ZMPSTE24: variants seen among roughly 807,000 people sequenced by gnomAD.
ZMPSTE24 encodes the protein zinc metallopeptidase STE24.
A neutral mutation model predicts 56.7 loss-of-function variants in ZMPSTE24; 48 were observed. That is an observed-to-expected ratio of 0.85 (90% CI 0.67 to 1.08). The LOEUF (loss-of-function observed/expected upper bound fraction) is 1.08. ZMPSTE24 is among the 50% of genes least tolerant of loss of function. The pLI is 0.00. For missense variants in ZMPSTE24, 503 were observed against 548.7 expected, an observed-to-expected ratio of 0.92 and a Z score of 0.83; for synonymous variants, 172 against 195.2, an observed-to-expected ratio of 0.88 and a Z score of 0.99.
At chr1:40,280,930 AATAC>A (rs1643723095) in intron 6 of ZMPSTE24, among the ~76,000 whole-genome samples, 1 of 152,208 alleles carries the variant, frequency 6.6e-6, no homozygotes, top group African/African-American at 2.4e-5. Flanking sequence ...GCACCAACCT[AATAC>A]ATGCACATTT....
chr1:40,285,462 A>G (rs1643776968), intron 7 of ZMPSTE24, among the ~76,000 whole-genome samples: 1 of 151,916 alleles, frequency 6.6e-6, no homozygotes. Flanking sequence ...CTAGTCTGGA[A>G]CTCCTGGCTT....
At position 40,290,047 on chromosome 1, in the gene ZMPSTE24, AC is replaced by A. The variant is rs1436873242; in HGVS notation, c.1060-806del. ...CCTTATAGAAAATGATACAGTTTAT[AC>A]ATTTGGGAACATTTTATTTTACTTT... On this transcript the variant is annotated intron_variant, in intron 8 of 9. Coordinates refer to ENST00000372759, the MANE Select transcript of ZMPSTE24 (RefSeq NM_005857.5). Among the ~76,000 whole-genome samples the A allele has an allele frequency of 4.6e-5, 7 of 152,316 alleles. No individual in the cohort carries two copies. In the East Asian group the frequency reaches 1.4e-3, roughly 29 times the overall value.
intron 9 of ZMPSTE24, among the ~76,000 whole-genome samples, chr1:40,291,858 T>A (rs1284025982): frequency 6.8e-6 from 1 of 147,946 alleles, no homozygotes; most frequent in Non-Finnish European, 1.5e-5. Context: ...TTTTTTTTTT[T>A]AAGATGGAGT....
At chr1:40,260,721 G>T (rs1325681085) in intron 1 of ZMPSTE24, 118 bp from the exon 2 acceptor site, 6 of 1,002,272 alleles carry the variant, frequency 6.0e-6, no homozygotes, top group Non-Finnish European at 7.5e-6. Context: ...ATTTGTGTAG[G>T]TATAAAGCAA....
At chr1:40,289,759 T>C (rs1643821323) in intron 8 of ZMPSTE24, among the ~76,000 whole-genome samples, 1 of 152,236 alleles carries the variant, frequency 6.6e-6, no homozygotes, top group African/African-American at 2.4e-5. Context: ...TCCTCTCATT[T>C]ATTGATCAAG....
intron 2 of ZMPSTE24, chr1:40,262,525 CTTT>C (rs77653659): frequency 6.5e-5 from 8 of 123,468 alleles, no homozygotes; most frequent in South Asian, 2.5e-4. Context: ...AGACACTATT[CTTT>C]TTTTTTTTTT....
chr1:40,292,597 C>T lies in ZMPSTE24; in HGVS notation c.1356C>T (p.Phe452=). The change falls in exon 10 of 10, where the codon TTC becomes TTT. Residue 452 remains phenylalanine, a synonymous_variant. Coordinates refer to ENST00000372759, the MANE Select transcript of ZMPSTE24 (RefSeq NM_005857.5). ...GATTCCCTGTTTCTGACTGGTTGTT[C>T]TCAATGTGGCATTATTCTCATCCTC... ...NLGFPVSDWL[F]SMWHYSHPPL... The T allele has an allele frequency of 1.2e-6, 2 of 1,614,076 alleles. No individual in the cohort carries two copies. Among genetic ancestry groups the T allele is most frequent in the South Asian group, 1.1e-5 (1 of 91,066 alleles).
intron 2 of ZMPSTE24, among the ~76,000 whole-genome samples, chr1:40,261,315 T>A (rs1477221743): frequency 6.6e-6 from 1 of 152,186 alleles, no homozygotes; most frequent in East Asian, 1.9e-4. Flanking sequence ...ATTATTCCTG[T>A]CAGAGTACTT....
chr1:40,288,031 A>G (rs969263879), intron 8 of ZMPSTE24, among the ~76,000 whole-genome samples: 2 of 151,986 alleles, frequency 1.3e-5, no homozygotes, highest in Non-Finnish European at 2.9e-5. Context: ...TTAAAAAATT[A>G]GCTGGGCTTG....
chr1:40,260,314 G>A (rs1038467035), intron 1 of ZMPSTE24, among the ~76,000 whole-genome samples: 5 of 151,726 alleles, frequency 3.3e-5, no homozygotes, highest in African/African-American at 1.2e-4. Context: ...TTCTGCCCCT[G>A]TCTTCCAAAC....
At chr1:40,287,990 A>G (rs1003592088) in intron 8 of ZMPSTE24, among the ~76,000 whole-genome samples, 5 of 152,068 alleles carry the variant, frequency 3.3e-5, no homozygotes, top group Non-Finnish European at 7.4e-5. Context: ...CAGCCTGGGC[A>G]ACATAGCGAG....
rs746163425 is a variant in ZMPSTE24, at chr1:40,272,004, C to CTTT, written c.739_741dup (p.Phe247dup). 9 of 1,612,194 alleles carry CTTT rather than the reference C, an allele frequency of 5.6e-6. No homozygotes were observed. The South Asian group carries it at 9.9e-5, about 18-fold the overall frequency. ...TTGAAGTAATGGCAAAGAGTATTGA[C>CTTT]TTTCCTTTGACGAAGGTGTATGTTG... On this transcript the variant is annotated inframe_insertion, in exon 6 of 10. Coordinates refer to ENST00000372759, the MANE Select transcript of ZMPSTE24 (RefSeq NM_005857.5).
At chr1:40,269,269 C>G (rs1454266210) in intron 4 of ZMPSTE24, among the ~76,000 whole-genome samples, 1 of 151,806 alleles carries the variant, frequency 6.6e-6, no homozygotes, top group Non-Finnish European at 1.5e-5. Context: ...GTGGCATGCA[C>G]CTGAAGTCCC....
At chr1:40,276,068 A>G (rs188700859) in intron 6 of ZMPSTE24, among the ~76,000 whole-genome samples, 1 of 152,318 alleles carries the variant, frequency 6.6e-6, no homozygotes, top group Non-Finnish European at 1.5e-5. Context: ...GGAAACAAAT[A>G]TCTGGCCTTT....
intron 2 of ZMPSTE24, among the ~76,000 whole-genome samples, chr1:40,267,504 A>G (rs1186145881): frequency 6.6e-6 from 1 of 151,338 alleles, no homozygotes; most frequent in Admixed American, 6.6e-5. Flanking sequence ...AGCTGGGTCT[A>G]CAGGTACGCA....
chr1:40,287,673 T>TAA (rs1405494238), intron 8 of ZMPSTE24, among the ~76,000 whole-genome samples: 1 of 134,944 alleles, frequency 7.4e-6, no homozygotes. Flanking sequence ...AGACTCTGTC[T>TAA]CAAAAAAAAA....
At chr1:40,281,206 TTGATA>T (rs1352325268) in intron 6 of ZMPSTE24, 132 bp from the exon 7 acceptor site, 21 of 878,738 alleles carry the variant, frequency 2.4e-5, no homozygotes, top group Admixed American at 6.3e-5. Context: ...GTGAATTATG[TTGATA>T]TGATTTTTCT....
rs1012158385 is a variant in ZMPSTE24 at position 40,280,575 on chromosome 1, C to T, written c.770-768C>T. Among the ~76,000 whole-genome samples, 4 of 152,062 alleles carry T rather than the reference C, an allele frequency of 2.6e-5. 1 individual carries two copies. Among genetic ancestry groups the T allele is most frequent in the Admixed American group, 6.6e-5 (1 of 15,258 alleles). On this transcript the variant is annotated intron_variant, in intron 6 of 9. Coordinates refer to ENST00000372759, the MANE Select transcript of ZMPSTE24 (RefSeq NM_005857.5). ...GTGTAGCTGGGATGACAGGTGTGCGCCACCATGCCCGGCTAATTTTTTGTA... is the reference window on the plus strand; with the variant it reads ...GTGTAGCTGGGATGACAGGTGTGCGTCACCATGCCCGGCTAATTTTTTGTA...
chr1:40,292,407 G>T, intron 9 of ZMPSTE24, 38 bp from the exon 10 acceptor site: 1 of 1,592,014 alleles, frequency 6.3e-7, no homozygotes, highest in Non-Finnish European at 8.6e-7. Flanking sequence ...CAACAAAGAG[G>T]TGGGCAGTGG....
Sources: gnomAD v4.1 joint callset for allele counts (sites outside exome capture counted in the v4.1 genomes callset) on GRCh38, gnomAD v4.1.1 for gene constraint, MANE v1.5 for transcripts, NCBI Gene and HGNC (gene_info 2026-07-23, HGNC 2026-07-21) for gene names.